The following TRIM24 variants were observed in gnomAD, a reference collection of about 807,000 sequenced individuals.
The protein encoded by TRIM24 is tripartite motif containing 24.
In TRIM24, 29 loss-of-function variants were observed where a neutral mutation model predicts 123.9. That is an observed-to-expected ratio of 0.23 (90% confidence interval 0.17 to 0.32). TRIM24 has a LOEUF of 0.32. Ranked by LOEUF, TRIM24 falls within the 10% of genes least tolerant of loss-of-function variation. The probability of loss-of-function intolerance (pLI) is 1.00; values close to 1 mark genes in which losing one functional copy is unlikely to be tolerated. For synonymous variants in TRIM24, 456 were observed against 461.1 expected, an observed-to-expected ratio of 0.99 and a Z score of 0.14; for missense variants, 932 against 1,295.3, an observed-to-expected ratio of 0.72 and a Z score of 4.31.
chr7:138,542,065 A>G (rs137888178), intron 7 of TRIM24, among the ~76,000 whole-genome samples: 532 of 152,332 alleles, frequency 3.5e-3, no homozygotes, highest in African/African-American at 0.012. Flanking sequence ...TTGATCTTCT[A>G]TCAAGACCAC....
chr7:138,537,009 C>T (rs1034337129), intron 6 of TRIM24, among the ~76,000 whole-genome samples: 17 of 152,164 alleles, frequency 1.1e-4, no homozygotes, highest in African/African-American at 3.1e-4. Flanking sequence ...TGGGACACTC[C>T]GAGACAGACG....
chr7:138,579,152 A>C (rs938597518), intron 14 of TRIM24, 52 bp from the exon 15 acceptor site: 3 of 1,443,180 alleles, frequency 2.1e-6, no homozygotes, highest in African/African-American at 2.9e-5. Context: ...GAATTGCATT[A>C]GTGATAAAAT....
chr7:138,538,476 A>T (rs1796938202), intron 6 of TRIM24, among the ~76,000 whole-genome samples, 181 bp from the exon 7 acceptor site: 4 of 152,190 alleles, frequency 2.6e-5, no homozygotes, highest in Admixed American at 2.6e-4. Context: ...CCACATTGGG[A>T]TGCAGTTTTT....
chr7:138,535,163 T>C (rs2116600096), intron 6 of TRIM24, among the ~76,000 whole-genome samples: 1 of 152,370 alleles, frequency 6.6e-6, no homozygotes, highest in Middle Eastern at 3.4e-3. Flanking sequence ...TCTTGACTCT[T>C]GATCCAATTT....
intron 7 of TRIM24, among the ~76,000 whole-genome samples, chr7:138,545,950 G>T (rs1417824818): frequency 5.9e-5 from 9 of 152,182 alleles, no homozygotes; most frequent in Middle Eastern, 3.2e-3. Flanking sequence ...TTATTTGGGG[G>T]AGAAGTTGAT....
chr7:138,568,239 C>T (rs1220631814), intron 10 of TRIM24, among the ~76,000 whole-genome samples: 1 of 152,014 alleles, frequency 6.6e-6, no homozygotes, highest in Non-Finnish European at 1.5e-5. Flanking sequence ...CCTGCCTCAG[C>T]CTCCTGAGTA....
chr7:138,478,698 A>G (rs1795459158), intron 1 of TRIM24, among the ~76,000 whole-genome samples: 1 of 152,112 alleles, frequency 6.6e-6, no homozygotes, highest in Admixed American at 6.6e-5. Context: ...CAGTTGAGCA[A>G]GTGGCTCAGT....
intron 2 of TRIM24, among the ~76,000 whole-genome samples, chr7:138,512,162 T>G (rs1215068110): frequency 6.6e-6 from 1 of 152,200 alleles, no homozygotes; most frequent in East Asian, 1.9e-4. Flanking sequence ...CCCAAAGCCT[T>G]GGGCAGCTGT....
chr7:138,576,134 A>G (rs1797753068), intron 12 of TRIM24, among the ~76,000 whole-genome samples: 2 of 152,182 alleles, frequency 1.3e-5, no homozygotes, highest in African/African-American at 4.8e-5. Context: ...CCTGAAATGC[A>G]GAGACATTCC....
rs1031668613 is a variant in TRIM24 at position 138,460,511 on chromosome 7, C to A, written c.-38C>A. The A allele has an allele frequency of 1.3e-5, 16 of 1,260,630 alleles. No homozygotes were observed. The highest frequency in any genetic ancestry group is 4.2e-5 in the Admixed American group (1 of 23,708). The allele number at this position is 1,260,630 out of a possible 1,614,324, so 78.1% of individuals were successfully genotyped here. A position where few individuals can be genotyped will look rare whatever the true frequency, so the allele number is the denominator to read the frequency against. Reference sequence around the variant, plus strand: ...GTCGTCGGGGGCGGCGGGCGGAGACCGCGCTCTCGCTTCCCCGGCGGCGGC... The same window carrying A: ...GTCGTCGGGGGCGGCGGGCGGAGACAGCGCTCTCGCTTCCCCGGCGGCGGC... On this transcript the variant is annotated 5_prime_UTR_variant, in exon 1 of 19. Coordinates refer to ENST00000343526, the MANE Select transcript of TRIM24 (RefSeq NM_015905.3).
chr7:138,578,751 C>CT (rs1797827378), intron 14 of TRIM24, among the ~76,000 whole-genome samples: 1 of 141,526 alleles, frequency 7.1e-6, no homozygotes, highest in Non-Finnish European at 1.6e-5. Flanking sequence ...GGAATAAGTG[C>CT]TTTTAACTAT....
At chr7:138,562,294 G>A (rs967341156) in intron 9 of TRIM24, among the ~76,000 whole-genome samples, 4 of 152,070 alleles carry the variant, frequency 2.6e-5, no homozygotes, top group South Asian at 2.1e-4. Flanking sequence ...CCCCATTTGC[G>A]ACTCTCAAAA....
In TRIM24 at chr7:138,519,069, T is replaced by C. The variant is rs558879619; in HGVS notation, c.632-120T>C. 28 of 1,142,002 alleles carry C rather than the reference T, an allele frequency of 2.5e-5. No homozygotes were observed. In the African/African-American group the frequency reaches 3.7e-4, roughly 15 times the overall value. The allele number at this position is 1,142,002 out of a possible 1,614,324, so 70.7% of individuals were successfully genotyped here. On this transcript the variant is annotated intron_variant, in intron 3 of 18. Coordinates refer to ENST00000343526, the MANE Select transcript of TRIM24 (RefSeq NM_015905.3). Reference sequence around the variant, plus strand: ...GTAATTCTTAGTGAAAGTTATGGTATAGTATAGGTGAAGCTGTAGTGTTTA... The same window carrying C: ...GTAATTCTTAGTGAAAGTTATGGTACAGTATAGGTGAAGCTGTAGTGTTTA...
chr7:138,496,005 C>T (rs996438984), intron 1 of TRIM24, among the ~76,000 whole-genome samples: 2 of 152,190 alleles, frequency 1.3e-5, no homozygotes, highest in African/African-American at 4.8e-5. Flanking sequence ...TAGCTCTATC[C>T]ATAGTAAATC....
intron 1 of TRIM24, among the ~76,000 whole-genome samples, chr7:138,469,329 C>G (rs997363495): frequency 2.0e-5 from 3 of 150,154 alleles, no homozygotes; most frequent in Admixed American, 6.6e-5. Flanking sequence ...ACCCCTTTCT[C>G]AATTTTTTTT....
At chr7:138,511,645 A>G (rs968247837) in intron 2 of TRIM24, among the ~76,000 whole-genome samples, 2 of 152,172 alleles carry the variant, frequency 1.3e-5, no homozygotes, top group African/African-American at 2.4e-5. Flanking sequence ...CCATGAGAAC[A>G]GCACCAAGGA....
rs1414891603 is a variant in TRIM24, at chr7:138,583,898, A to G, written c.2842A>G (p.Ile948Val). The stretch of plus-strand genomic sequence containing the variant: ...TAAAAATCCAATGGATTTGTCAACC[A>G]TCAAGAAAAGACTACAAGAAGATTA... ...IIKNPMDLST[I>V]KKRLQEDYSM... Residue 948 changes from isoleucine (I) to valine (V), a missense_variant, in exon 18 of 19, where the codon ATC becomes GTC. By Grantham distance (29) the Ile-to-Val change is conservative. Around this residue, in one of 7 missense-constraint regions of TRIM24, gnomAD observed 104 missense variants for 121.5 expected, o/e 0.86. Transcript: ENST00000343526. The G allele has an allele frequency of 2.5e-6, 4 of 1,599,722 alleles. No individual in the cohort carries two copies. The highest frequency in any genetic ancestry group is 3.4e-6 in the Non-Finnish European group (4 of 1,174,456).
chr7:138,523,264 G>A (rs1796539898), intron 4 of TRIM24, among the ~76,000 whole-genome samples: 1 of 152,236 alleles, frequency 6.6e-6, no homozygotes, highest in South Asian at 2.1e-4. Flanking sequence ...AGATAAAAAG[G>A]ATATCTGTCA....
intron 3 of TRIM24, among the ~76,000 whole-genome samples, chr7:138,517,877 T>C (rs1397454936): frequency 2.6e-5 from 4 of 152,214 alleles, no homozygotes; most frequent in African/African-American, 9.7e-5. Context: ...GCTTTCTCTC[T>C]CGCATTTATT....
Sources: allele counts gnomAD v4.1 joint callset (sites outside exome capture counted in the v4.1 genomes callset), GRCh38; gene constraint gnomAD v4.1.1; regional missense constraint gnomAD v4.1.1; transcripts MANE v1.5; gene names NCBI Gene and HGNC (gene_info 2026-07-23, HGNC 2026-07-21).